The following XKR4 variants were observed in gnomAD, a reference collection of about 807,000 sequenced individuals.
XKR4 encodes the protein XK-related protein 4.
A neutral mutation model predicts 53.9 loss-of-function variants in XKR4; 12 were observed. The observed-to-expected ratio is 0.22, with a 90% CI of 0.14 to 0.36. The LOEUF (loss-of-function observed/expected upper bound fraction) is 0.36. Ranked by LOEUF, XKR4 falls within the 10% of genes least tolerant of loss-of-function variation. The probability of loss-of-function intolerance (pLI) is 1.00; values close to 1 mark genes in which losing one functional copy is unlikely to be tolerated. For missense variants in XKR4, 799 were observed against 859.5 expected (o/e 0.93, Z 0.88); for synonymous variants, 354 against 362.4 (o/e 0.98, Z 0.26).
At chr8:55,350,803 G>C (rs1405106069) in intron 1 of XKR4, among the ~76,000 whole-genome samples, 2 of 145,102 alleles carry the variant, frequency 1.4e-5, no homozygotes, top group African/African-American at 5.1e-5. Context: ...GCAGTGGCAC[G>C]ATCTCGGTTC....
intron 1 of XKR4, among the ~76,000 whole-genome samples, chr8:55,154,027 C>A (rs1041510846): frequency 6.6e-6 from 1 of 152,150 alleles, no homozygotes; most frequent in African/African-American, 2.4e-5. Flanking sequence ...ATTGACATTT[C>A]TTTCAGCTCC....
intron 1 of XKR4, among the ~76,000 whole-genome samples, chr8:55,129,015 T>C (rs1816516821): frequency 6.6e-6 from 1 of 152,212 alleles, no homozygotes; most frequent in African/African-American, 2.4e-5. Context: ...ACAGGAGACC[T>C]GGAAGCTTCT....
intron 1 of XKR4, among the ~76,000 whole-genome samples, chr8:55,205,473 A>G (rs1050750131): frequency 6.6e-6 from 1 of 152,230 alleles, no homozygotes; most frequent in Non-Finnish European, 1.5e-5. Flanking sequence ...ACTTAGGATG[A>G]CAACAAACCG....
chr8:55,292,482 G>T (rs1443685311), intron 1 of XKR4, among the ~76,000 whole-genome samples: 3 of 151,938 alleles, frequency 2.0e-5, no homozygotes, highest in African/African-American at 7.3e-5. Context: ...GATGTCTGTG[G>T]GGTCTGTAGT....
At chr8:55,261,516 T>G (rs1279878811) in intron 1 of XKR4, among the ~76,000 whole-genome samples, 1 of 152,240 alleles carries the variant, frequency 6.6e-6, no homozygotes, top group Non-Finnish European at 1.5e-5. Context: ...TGAATTCCTT[T>G]GCGCCCAAGC....
At chr8:55,148,557 G>T (rs779227841) in intron 1 of XKR4, among the ~76,000 whole-genome samples, 7 of 152,006 alleles carry the variant, frequency 4.6e-5, no homozygotes, top group African/African-American at 7.2e-5. Context: ...TTAAGTTATC[G>T]GGTCAAATAA....
intron 2 of XKR4, among the ~76,000 whole-genome samples, chr8:55,474,368 C>T (rs1433297927): frequency 6.6e-6 from 1 of 152,142 alleles, no homozygotes; most frequent in Non-Finnish European, 1.5e-5. Context: ...GGAGTATGCT[C>T]TCTCTATAGA....
intron 1 of XKR4, among the ~76,000 whole-genome samples, chr8:55,128,466 A>G (rs1313960992): frequency 6.6e-6 from 1 of 152,172 alleles, no homozygotes; most frequent in African/African-American, 2.4e-5. Context: ...TCAGCCAAGA[A>G]TGGTCATTCA....
chr8:55,135,440 G>C, intron 1 of XKR4: 1 of 346,368 alleles, frequency 2.9e-6, no homozygotes, highest in Non-Finnish European at 5.9e-6. Flanking sequence ...AATAGGGACA[G>C]AAAGAATGAA....
chr8:55,445,871 AGCCTT>A (rs1241375899), intron 2 of XKR4, among the ~76,000 whole-genome samples: 2 of 152,244 alleles, frequency 1.3e-5, no homozygotes, highest in Non-Finnish European at 2.9e-5. Context: ...TTCAGTACGA[AGCCTT>A]GCTAAATAGG....
At position 55,338,207 on chromosome 8, in the gene XKR4, G is replaced by T. The variant is rs538535088; in HGVS notation, c.807-19471G>T. Among the ~76,000 whole-genome samples, 30 of 152,240 alleles carry T rather than the reference G, an allele frequency of 2.0e-4. No individual in the cohort carries two copies. The South Asian group carries it at 6.2e-3, about 32-fold the overall frequency. On this transcript the variant is annotated intron_variant, in intron 1 of 2. Coordinates refer to ENST00000327381, the MANE Select transcript of XKR4 (RefSeq NM_052898.2). ...TTTCCCAAATTGTGTTTTAAAATTT[G>T]CATCTTTTATTTGGGCAACTGTTGT...
intron 1 of XKR4, among the ~76,000 whole-genome samples, chr8:55,146,705 C>T (rs1816776470): frequency 6.6e-6 from 1 of 152,226 alleles, no homozygotes; most frequent in Non-Finnish European, 1.5e-5. Flanking sequence ...GCTCTGCTGT[C>T]TGGGTCAAAG....
At chr8:55,130,521 G>C (rs1374782265) in intron 1 of XKR4, among the ~76,000 whole-genome samples, 1 of 152,186 alleles carries the variant, frequency 6.6e-6, no homozygotes, top group African/African-American at 2.4e-5. Context: ...GCCAAGGTGA[G>C]GACTTCGGAT....
chr8:55,104,090 A>G (rs1414340299), intron 1 of XKR4, among the ~76,000 whole-genome samples: 1 of 151,924 alleles, frequency 6.6e-6, no homozygotes, highest in Admixed American at 6.6e-5. Context: ...CTGATCTACC[A>G]AGTCTTTTTA....
Position 55,537,162 on chromosome 8 carries a change from A to G in XKR4, c.*12935A>G, listed in dbSNP as rs1348691166. Reference sequence around the variant, plus strand: ...TTTGTTGATGTCATGCCAATTTCCAAGCACCAACTGGTTACCACAAACATG... The same window carrying G: ...TTTGTTGATGTCATGCCAATTTCCAGGCACCAACTGGTTACCACAAACATG... On this transcript the variant is annotated 3_prime_UTR_variant, in exon 3 of 3. Transcript: ENST00000327381. The G allele has an allele frequency of 6.6e-6, 1 of 152,248 alleles. No individual in the cohort carries two copies. Among genetic ancestry groups the G allele is most frequent in the African/African-American group, 2.4e-5 (1 of 41,474 alleles). The allele number at this position is 152,248 out of a possible 1,614,324, so 9.4% of individuals were successfully genotyped here.
At chr8:55,206,765 A>G (rs962139681) in intron 1 of XKR4, among the ~76,000 whole-genome samples, 1 of 152,212 alleles carries the variant, frequency 6.6e-6, no homozygotes, top group African/African-American at 2.4e-5. Flanking sequence ...GCAGTTTTGA[A>G]GACCATTTTT....
At chr8:55,132,154 A>G (rs1816564930) in intron 1 of XKR4, among the ~76,000 whole-genome samples, 2 of 152,224 alleles carry the variant, frequency 1.3e-5, no homozygotes, top group African/African-American at 4.8e-5. Flanking sequence ...TGTATCATGC[A>G]CCAGGCAGTG....
intron 2 of XKR4, among the ~76,000 whole-genome samples, chr8:55,393,825 A>C (rs914861124): frequency 6.6e-6 from 1 of 152,152 alleles, no homozygotes; most frequent in Non-Finnish European, 1.5e-5. Context: ...ATAAAACATA[A>C]ATGCCTCCTT....
chr8:55,183,778 A>G (rs745764116), intron 1 of XKR4, among the ~76,000 whole-genome samples: 2 of 152,206 alleles, frequency 1.3e-5, no homozygotes, highest in African/African-American at 2.4e-5. Context: ...CAAATCATCT[A>G]TATCCTTACT....
Sources: gnomAD v4.1 joint callset for allele counts (sites outside exome capture counted in the v4.1 genomes callset) on GRCh38, gnomAD v4.1.1 for gene constraint, MANE v1.5 for transcripts, NCBI Gene and HGNC (gene_info 2026-07-23, HGNC 2026-07-21) for gene names.